SAMMSON: variants seen among roughly 807,000 people sequenced by gnomAD.
The protein encoded by SAMMSON is survival associated mitochondrial melanoma specific oncogenic non-coding RNA, also known as long intergenic non-protein coding RNA 1212.
chr3:70,136,079 G>C (rs2067504701), intron 4 of SAMMSON, among the ~76,000 whole-genome samples: 1 of 151,678 alleles, frequency 6.6e-6, no homozygotes, highest in Non-Finnish European at 1.5e-5. Context: ...ATTTTTATTT[G>C]TAAAACATGG....
At chr3:70,364,650 G>C (rs1255151515) in intron 9 of SAMMSON, among the ~76,000 whole-genome samples, 1 of 151,796 alleles carries the variant, frequency 6.6e-6, no homozygotes. Flanking sequence ...GGAAGTTCAA[G>C]TCTTATTTAT....
At chr3:70,311,405 A>G (rs544068606) in intron 7 of SAMMSON, among the ~76,000 whole-genome samples, 1 of 152,358 alleles carries the variant, frequency 6.6e-6, no homozygotes, top group South Asian at 2.1e-4. Flanking sequence ...CATTTTACGC[A>G]TGCGGAGCCC....
intron 6 of SAMMSON, among the ~76,000 whole-genome samples, chr3:70,257,379 A>G (rs1044779057): frequency 1.3e-5 from 2 of 152,198 alleles, no homozygotes; most frequent in African/African-American, 2.4e-5. Flanking sequence ...GTCAGTAGCC[A>G]TCATTTCTTT....
chr3:70,381,164 T>C (rs1439139089), intron 9 of SAMMSON, among the ~76,000 whole-genome samples: 1 of 152,156 alleles, frequency 6.6e-6, no homozygotes, highest in Non-Finnish European at 1.5e-5. Flanking sequence ...AATGCAGTTG[T>C]GTTAAAAAGA....
chr3:70,048,338 A>G (rs921832192), intron 3 of SAMMSON, among the ~76,000 whole-genome samples: 2 of 152,048 alleles, frequency 1.3e-5, no homozygotes, highest in Non-Finnish European at 2.9e-5. Flanking sequence ...CCTCTCTGAA[A>G]CTTGATTTCC....
intron 9 of SAMMSON, among the ~76,000 whole-genome samples, chr3:70,386,698 T>C (rs1226889008): frequency 6.6e-6 from 1 of 152,062 alleles, no homozygotes; most frequent in African/African-American, 2.4e-5. Flanking sequence ...AAATGCTAAT[T>C]TCCCTTATAA....
At chr3:70,120,063 T>G (rs928787281) in intron 4 of SAMMSON, 2 of 151,934 alleles carry the variant, frequency 1.3e-5, no homozygotes, top group Non-Finnish European at 2.9e-5. Flanking sequence ...GGCTGTGTGG[T>G]TTTTTTTGTC....
chr3:70,250,220 T>C (rs1701747957), intron 6 of SAMMSON, among the ~76,000 whole-genome samples: 1 of 152,180 alleles, frequency 6.6e-6, no homozygotes. Context: ...GTTGGGCCTC[T>C]TAATTCTTCT....
At chr3:70,104,995 A>C (rs536872457) in intron 4 of SAMMSON, among the ~76,000 whole-genome samples, 1 of 152,180 alleles carries the variant, frequency 6.6e-6, no homozygotes, top group Non-Finnish European at 1.5e-5. Flanking sequence ...CAGTAAAAAA[A>C]ATCAACATTG....
intron 4 of SAMMSON, among the ~76,000 whole-genome samples, chr3:70,194,683 A>G (rs945956509): frequency 6.6e-6 from 1 of 152,326 alleles, no homozygotes; most frequent in Non-Finnish European, 1.5e-5. Context: ...TATGTCTCTA[A>G]TTGACAAGCA....
chr3:70,126,627 G>A (rs766890445), intron 4 of SAMMSON: 2 of 353,614 alleles, frequency 5.7e-6, no homozygotes, highest in African/African-American at 2.1e-5. Flanking sequence ...AGCAAAAATT[G>A]GCCCAGAGAC....
At chr3:70,171,865 G>A (rs959445002) in intron 4 of SAMMSON, among the ~76,000 whole-genome samples, 46 of 151,838 alleles carry the variant, frequency 3.0e-4, no homozygotes, top group African/African-American at 7.7e-4. Flanking sequence ...GACACCTGGC[G>A]TATTAGACTA....
intron 4 of SAMMSON, among the ~76,000 whole-genome samples, chr3:70,215,525 C>T (rs1009329666): frequency 1.3e-5 from 2 of 151,960 alleles, no homozygotes; most frequent in African/African-American, 4.8e-5. Context: ...CAAACTTAGC[C>T]CTCAAAGCCC....
chr3:70,282,514 A>G (rs1379684716), intron 6 of SAMMSON, among the ~76,000 whole-genome samples: 4 of 152,294 alleles, frequency 2.6e-5, no homozygotes, highest in East Asian at 1.9e-4. Context: ...TTTAGCTCTT[A>G]TCACTCAGCC....
intron 3 of SAMMSON, among the ~76,000 whole-genome samples, chr3:70,036,176 C>T (rs1165929336): frequency 3.3e-5 from 5 of 152,000 alleles, no homozygotes; most frequent in African/African-American, 1.2e-4. Flanking sequence ...GGGAGAGAGG[C>T]CAATAGTCCC....
chr3:70,075,885 T>TA (rs1338775477), intron 4 of SAMMSON, among the ~76,000 whole-genome samples: 2 of 150,772 alleles, frequency 1.3e-5, no homozygotes, highest in African/African-American at 4.9e-5. Context: ...GATACCTGTT[T>TA]TTTTTTTTTT....
At chr3:70,339,587 G>A (rs1031151115) in intron 7 of SAMMSON, among the ~76,000 whole-genome samples, 1 of 152,092 alleles carries the variant, frequency 6.6e-6, no homozygotes, top group Non-Finnish European at 1.5e-5. Flanking sequence ...TCAGCAAGTG[G>A]GCGAAGGATA....
At chr3:70,409,515 T>C (rs1462892058) in intron 2 of SAMMSON, among the ~76,000 whole-genome samples, 5 of 151,906 alleles carry the variant, frequency 3.3e-5, no homozygotes, top group African/African-American at 4.8e-5. Flanking sequence ...AAAGTGTTGA[T>C]CATGGAATGT....
chr3:70,248,811 T>C (rs921122040), intron 4 of SAMMSON, among the ~76,000 whole-genome samples: 4 of 152,112 alleles, frequency 2.6e-5, no homozygotes, highest in Non-Finnish European at 4.4e-5. Flanking sequence ...TTGAGTAGGC[T>C]ACCATGTGTG....
Sources: allele counts gnomAD v4.1 joint callset (sites outside exome capture counted in the v4.1 genomes callset), GRCh38; gene constraint gnomAD v4.1.1; transcripts MANE v1.5; gene names NCBI Gene and HGNC (gene_info 2026-07-23, HGNC 2026-07-21).